Variants in LINGO1 observed in about 807,000 individuals in gnomAD.
LINGO1 encodes the protein leucine-rich repeat and immunoglobulin-like domain-containing nogo receptor-interacting protein 1.
LINGO1 carries 11 observed loss-of-function variants against 37.3 expected under a neutral mutation model. The ratio of observed to expected loss-of-function variants is 0.29; its 90% CI spans 0.19 to 0.49. The LOEUF (loss-of-function observed/expected upper bound fraction) is 0.49, where lower values mean the gene tolerates loss of function less well. Among genes scored for constraint, LINGO1 ranks in the 20% least tolerant of loss-of-function variants. The pLI, the probability that LINGO1 is intolerant of heterozygous loss-of-function variation, is 0.99. For missense variants in LINGO1, 585 were observed against 878.2 expected (o/e 0.67, Z 4.22); for synonymous variants, 387 against 403.0 (o/e 0.96, Z 0.48).
chr15:77,653,682 C>T (rs537866058), intron 3 of LINGO1, among the ~76,000 whole-genome samples: 85 of 152,232 alleles, frequency 5.6e-4, no homozygotes, highest in African/African-American at 1.9e-3. Flanking sequence ...ATGTGCCCCT[C>T]GGGAAGTTGC....
chr15:77,737,350 G>T (rs1268323881), intron 1 of LINGO1, among the ~76,000 whole-genome samples: 1 of 152,038 alleles, frequency 6.6e-6, no homozygotes, highest in Non-Finnish European at 1.5e-5. Flanking sequence ...TATGCTGCTT[G>T]CCCAAAGCCA....
At chr15:77,693,833 G>A (rs186180196) in intron 1 of LINGO1, among the ~76,000 whole-genome samples, 273 of 152,256 alleles carry the variant, frequency 1.8e-3, no homozygotes, top group African/African-American at 6.3e-3. Flanking sequence ...AGGAAGACTC[G>A]TGGAGCTTCT....
At chr15:77,806,713 A>G (rs1487852708) in intron 1 of LINGO1, among the ~76,000 whole-genome samples, 1 of 152,120 alleles carries the variant, frequency 6.6e-6, no homozygotes, top group African/African-American at 2.4e-5. Flanking sequence ...CCGACCCCCC[A>G]GTCCAGGGAA....
intron 2 of LINGO1, among the ~76,000 whole-genome samples, chr15:77,793,455 G>A (rs182172892): frequency 5.3e-5 from 8 of 152,166 alleles, no homozygotes; most frequent in South Asian, 2.1e-4. Context: ...GCAAGCCTCC[G>A]GTGCTCCATG....
chr15:77,773,969 G>A (rs1216765859), intron 1 of LINGO1, among the ~76,000 whole-genome samples: 1 of 152,088 alleles, frequency 6.6e-6, no homozygotes, highest in East Asian at 1.9e-4. Flanking sequence ...GCTCCAAAGG[G>A]GACACTGGGT....
At chr15:77,699,304 T>C (rs2075737271), upstream of LINGO1, among the ~76,000 whole-genome samples, 1 of 146,272 alleles carries the variant, frequency 6.8e-6, no homozygotes, top group Non-Finnish European at 1.5e-5. Context: ...CTAACCGTCA[T>C]CCCTACACAC....
At chr15:77,689,372 G>A (rs1354061367) in intron 2 of LINGO1, among the ~76,000 whole-genome samples, 6 of 152,296 alleles carry the variant, frequency 3.9e-5, no homozygotes, top group Non-Finnish European at 8.8e-5. Flanking sequence ...CACAAGTTCC[G>A]CCTCCCTGCG....
rs533261185 is a variant in LINGO1, at chr15:77,709,077, G to C, written c.-194-18176C>G. Among the ~76,000 whole-genome samples the C allele has an allele frequency of 5.9e-5, 9 of 152,346 alleles. No individual in the cohort carries two copies. In the South Asian group the frequency reaches 1.9e-3, roughly 32 times the overall value. On this transcript the variant is annotated intron_variant, in intron 2 of 3. Transcript: ENST00000561686. The stretch of plus-strand genomic sequence containing the variant: ...TATCCTCTCCTAGAGCCCTGAGAGA[G>C]AGCACGGCCCTGCACCTTGATCTCA...
chr15:77,812,906 C>T (rs1431077562), intron 1 of LINGO1, among the ~76,000 whole-genome samples: 10 of 152,224 alleles, frequency 6.6e-5, no homozygotes, highest in Admixed American at 6.5e-4. Flanking sequence ...GCTTCTCAAA[C>T]AGATGTTTTG....
intron 2 of LINGO1, among the ~76,000 whole-genome samples, chr15:77,729,646 C>CT (rs2076135885): frequency 6.6e-6 from 1 of 152,228 alleles, no homozygotes; most frequent in Non-Finnish European, 1.5e-5. Context: ...ACACTCTGAG[C>CT]TGCCGTGGGC....
intron 2 of LINGO1, among the ~76,000 whole-genome samples, chr15:77,718,940 G>A (rs2141307422): frequency 6.6e-6 from 1 of 150,850 alleles, no homozygotes; most frequent in South Asian, 2.1e-4. Flanking sequence ...AGCAAGAGAG[G>A]CTGGGGCTGG....
chr15:77,649,535 G>A (rs543452139), intron 3 of LINGO1, among the ~76,000 whole-genome samples: 7 of 152,330 alleles, frequency 4.6e-5, no homozygotes, highest in African/African-American at 1.4e-4. Context: ...AGATTCAGGG[G>A]TACCACACGG....
At chr15:77,625,918 A>G in intron 1 of LINGO1, among the ~76,000 whole-genome samples, 1 of 152,182 alleles carries the variant, frequency 6.6e-6, no homozygotes, top group Non-Finnish European at 1.5e-5. Context: ...AGGGAAGGGA[A>G]GGGACATTTA....
At chr15:77,620,771 G>C (rs1037639107) in intron 1 of LINGO1, among the ~76,000 whole-genome samples, 3 of 152,324 alleles carry the variant, frequency 2.0e-5, no homozygotes, top group Admixed American at 6.5e-5. Context: ...AGGATGGTGG[G>C]CTCCCTTCCT....
chr15:77,728,395 G>A (rs1167135504), intron 2 of LINGO1, among the ~76,000 whole-genome samples: 5 of 152,234 alleles, frequency 3.3e-5, no homozygotes, highest in Admixed American at 6.5e-5. Context: ...CCAAAGCCTC[G>A]TTCGTCTCGG....
intron 2 of LINGO1, among the ~76,000 whole-genome samples, chr15:77,731,635 C>G (rs2076155828): frequency 6.6e-6 from 1 of 152,202 alleles, no homozygotes; most frequent in African/African-American, 2.4e-5. Context: ...ACTCTCCTCC[C>G]TGCCACCATC....
chr15:77,748,855 CTTAT>C (rs71145856), intron 1 of LINGO1, among the ~76,000 whole-genome samples: 4,696 of 128,706 alleles, frequency 0.036, 244 homozygotes, highest in African/African-American at 0.11. Flanking sequence ...GGCCCCTAGC[CTTAT>C]TTATTTATTT....
chr15:77,799,021 G>C (rs976664039), intron 1 of LINGO1, among the ~76,000 whole-genome samples: 2 of 152,154 alleles, frequency 1.3e-5, no homozygotes, highest in Admixed American at 1.3e-4. Context: ...CACAGAGCTT[G>C]AGAGGCCCAC....
chr15:77,641,428 C>G (rs1049537638), intron 3 of LINGO1, among the ~76,000 whole-genome samples: 1 of 152,196 alleles, frequency 6.6e-6, no homozygotes, highest in Non-Finnish European at 1.5e-5. Context: ...GCAGAGGCAC[C>G]CAGCTGCATC....
Sources: allele counts gnomAD v4.1 joint callset (sites outside exome capture counted in the v4.1 genomes callset), GRCh38; gene constraint gnomAD v4.1.1; transcripts MANE v1.5; gene names NCBI Gene and HGNC (gene_info 2026-07-23, HGNC 2026-07-21).